C8orf34: variants seen among roughly 807,000 people sequenced by gnomAD.
The protein encoded by C8orf34 is chromosome 8 open reading frame 34, also known as uncharacterized protein C8orf34.
C8orf34 carries 65 observed loss-of-function variants against 68.3 expected under a neutral mutation model. That is an observed-to-expected ratio of 0.95 (90% CI 0.78 to 1.17). The LOEUF (loss-of-function observed/expected upper bound fraction) is 1.17. C8orf34 is among the 50% of genes most tolerant of loss of function. C8orf34 has a pLI of 0.00. For missense variants in C8orf34, 664 were observed against 655.4 expected (o/e 1.01, Z -0.14); for synonymous variants, 244 against 241.2 (o/e 1.01, Z -0.11).
chr8:68,596,542 A>G (rs948182536), intron 7 of C8orf34, among the ~76,000 whole-genome samples: 1 of 152,124 alleles, frequency 6.6e-6, no homozygotes, highest in African/African-American at 2.4e-5. Flanking sequence ...ACAAAGGCCA[A>G]TTCTTTACTC....
rs78969707 is a variant in C8orf34 at position 68,663,966 on chromosome 8, T to C, written c.1241+23455T>C. 5.2e-3 allele frequency among the ~76,000 whole-genome samples: 799 copies of C among 152,258 alleles called. 4 individuals are homozygous for C. The highest frequency in any genetic ancestry group is 0.017 in the African/African-American group (722 of 41,556). ...GGTGGACCAGTGTCCTAAAAAAACA[T>C]TGTAATGTGAATTTTAGGCTTCTTT... On this transcript the variant is annotated intron_variant, in intron 8 of 13. Transcript: ENST00000518698.
At position 68,721,447 on chromosome 8, in the gene C8orf34, T is replaced by C. The variant is rs1821673751; in HGVS notation, c.1404+10T>C. On this transcript the variant is annotated intron_variant, in intron 10 of 13. Transcript: ENST00000518698. The stretch of plus-strand genomic sequence containing the variant: ...TAAACTAACAGGACCTGTAAGTATA[T>C]TCATTGACTTATTTTTTTTAATTGC... 1.9e-6 allele frequency: 3 copies of C among 1,566,582 alleles called. No individual in the cohort carries two copies. Among genetic ancestry groups the C allele is most frequent in the Non-Finnish European group, 2.6e-6 (3 of 1,142,090 alleles).
At chr8:68,514,659 T>C (rs1814427016) in intron 5 of C8orf34, among the ~76,000 whole-genome samples, 1 of 152,224 alleles carries the variant, frequency 6.6e-6, no homozygotes, top group African/African-American at 2.4e-5. Context: ...GAAATAGCAG[T>C]GCAAAAATTA....
At chr8:68,450,970 T>C (rs1185682678) in intron 3 of C8orf34, among the ~76,000 whole-genome samples, 1 of 152,164 alleles carries the variant, frequency 6.6e-6, no homozygotes, top group African/African-American at 2.4e-5. Flanking sequence ...AACATGAGAC[T>C]GTTTTGTCTA....
At chr8:68,432,363 T>A (rs1810484976) in intron 1 of C8orf34, among the ~76,000 whole-genome samples, 1 of 151,990 alleles carries the variant, frequency 6.6e-6, no homozygotes, top group Non-Finnish European at 1.5e-5. Flanking sequence ...CGGGCTGGAG[T>A]GCAGAGGCAG....
chr8:68,530,905 A>C lies in C8orf34; in HGVS notation c.939-2078A>C, dbSNP rs552179384. ...TGTATGTTTTCATATATTTGTTCTT[A>C]TTTTTTCCCTCACCTTTTTACTTTT... On this transcript the variant is annotated intron_variant, in intron 6 of 13. Transcript: ENST00000518698. Among the ~76,000 whole-genome samples the C allele has an allele frequency of 1.7e-4, 26 of 152,152 alleles. 1 individual carries two copies. The South Asian group carries it at 5.2e-3, about 30-fold the overall frequency.
At chr8:68,587,815 G>A (rs1817252774) in intron 7 of C8orf34, among the ~76,000 whole-genome samples, 1 of 152,036 alleles carries the variant, frequency 6.6e-6, no homozygotes, top group African/African-American at 2.4e-5. Context: ...GAATAGCATG[G>A]CTGTTTAAAT....
chr8:68,553,490 G>A (rs1816152902), intron 7 of C8orf34, among the ~76,000 whole-genome samples: 1 of 150,924 alleles, frequency 6.6e-6, no homozygotes, highest in Non-Finnish European at 1.5e-5. Flanking sequence ...ATTCTCCAAT[G>A]AAGCCATCTG....
At chr8:68,779,028 T>G (rs1823598431) in intron 11 of C8orf34, among the ~76,000 whole-genome samples, 1 of 151,824 alleles carries the variant, frequency 6.6e-6, no homozygotes, top group Non-Finnish European at 1.5e-5. Flanking sequence ...AATCAAAAAA[T>G]TAGGCAGGCA....
At chr8:68,533,296 CA>C (rs1815328689) in intron 7 of C8orf34, 147 bp downstream of exon 7, 10 of 1,379,016 alleles carry the variant, frequency 7.3e-6, no homozygotes, top group Non-Finnish European at 9.4e-6. Context: ...ATTAGACTCA[CA>C]TAAAGTTGCA....
chr8:68,743,050 C>A (rs1013300880), intron 10 of C8orf34, among the ~76,000 whole-genome samples: 3 of 152,150 alleles, frequency 2.0e-5, no homozygotes, highest in African/African-American at 7.2e-5. Context: ...ATCTTGCACA[C>A]TCTCTCTGAC....
intron 7 of C8orf34, among the ~76,000 whole-genome samples, chr8:68,599,108 A>T (rs879743860): frequency 6.6e-5 from 10 of 152,138 alleles, no homozygotes; most frequent in African/African-American, 2.4e-4. Context: ...CAGAATTAAC[A>T]GAATAAAACA....
chr8:68,654,181 T>C (rs1819445639), intron 8 of C8orf34, among the ~76,000 whole-genome samples: 1 of 152,114 alleles, frequency 6.6e-6, no homozygotes, highest in Non-Finnish European at 1.5e-5. Flanking sequence ...CATGTGAGGA[T>C]ATACAGAAGG....
At chr8:68,724,200 T>A (rs1453979280) in intron 10 of C8orf34, among the ~76,000 whole-genome samples, 1 of 152,194 alleles carries the variant, frequency 6.6e-6, no homozygotes, top group Non-Finnish European at 1.5e-5. Context: ...ACTTCTGTAG[T>A]ATTTCTTGGG....
At chr8:68,437,801 TA>T (rs1203341482) in intron 1 of C8orf34, 1 of 152,196 alleles carries the variant, frequency 6.6e-6, no homozygotes, top group Non-Finnish European at 1.5e-5. Flanking sequence ...TTGATCTTTT[TA>T]CTTCTAACTC....
chr8:68,709,145 G>A (rs1821260839), intron 9 of C8orf34, 66 bp downstream of exon 9: 1 of 1,248,302 alleles, frequency 8.0e-7, no homozygotes. Context: ...AGAAGTAAAG[G>A]AAAAAAACTA....
chr8:68,619,599 AG>A (rs1485355689), intron 7 of C8orf34, among the ~76,000 whole-genome samples: 1 of 152,294 alleles, frequency 6.6e-6, no homozygotes, highest in East Asian at 1.9e-4. Flanking sequence ...CAGGAAGAAA[AG>A]GTACCATCTA....
chr8:68,374,396 A>C (rs1452848805), intron 1 of C8orf34, among the ~76,000 whole-genome samples: 2 of 152,138 alleles, frequency 1.3e-5, no homozygotes, highest in African/African-American at 4.8e-5. Flanking sequence ...GTTTTCCCCA[A>C]TGCTGACTAG....
chr8:68,549,579 A>G (rs1331994397), intron 7 of C8orf34, among the ~76,000 whole-genome samples: 2 of 151,774 alleles, frequency 1.3e-5, no homozygotes, highest in African/African-American at 2.4e-5. Flanking sequence ...AAAATAAAAT[A>G]GTGATTTTTA....
Sources: allele counts gnomAD v4.1 joint callset (sites outside exome capture counted in the v4.1 genomes callset), GRCh38; gene constraint gnomAD v4.1.1; transcripts MANE v1.5; gene names NCBI Gene and HGNC (gene_info 2026-07-23, HGNC 2026-07-21).